The following ELAPOR2 variants were observed in gnomAD, a reference collection of about 807,000 sequenced individuals.
The protein encoded by ELAPOR2 is endosome-lysosome associated apoptosis and autophagy regulator family member 2.
Under a neutral mutation model 120.7 loss-of-function variants are expected in ELAPOR2, and 89 were observed. That is an observed-to-expected ratio of 0.74 (90% confidence interval 0.62 to 0.88). The LOEUF (loss-of-function observed/expected upper bound fraction) is 0.88. Among genes scored for constraint, ELAPOR2 ranks in the 40% least tolerant of loss-of-function variants. The pLI is 0.00. For missense variants in ELAPOR2, 1,134 were observed against 1,251.6 expected, an observed-to-expected ratio of 0.91 and a Z score of 1.42; for synonymous variants, 444 against 444.9, an observed-to-expected ratio of 1.00 and a Z score of 0.03.
intron 1 of ELAPOR2, among the ~76,000 whole-genome samples, chr7:86,975,148 G>C (rs1792241776): frequency 6.6e-6 from 1 of 152,178 alleles, no homozygotes; most frequent in Non-Finnish European, 1.5e-5. Flanking sequence ...GGCTTCAGAA[G>C]GGATAACTCC....
At chr7:86,976,894 T>C (rs1208885961) in intron 1 of ELAPOR2, among the ~76,000 whole-genome samples, 3 of 152,204 alleles carry the variant, frequency 2.0e-5, no homozygotes, top group Non-Finnish European at 2.9e-5. Context: ...AAAGCATCTA[T>C]TACAACCATC....
chr7:86,981,740 T>C (rs143208702), intron 1 of ELAPOR2, among the ~76,000 whole-genome samples: 11 of 152,312 alleles, frequency 7.2e-5, no homozygotes, highest in African/African-American at 1.7e-4. Flanking sequence ...CCCAGCGTGA[T>C]TGACGCAGAA....
At chr7:86,904,612 C>T (rs1788883608) in intron 18 of ELAPOR2, among the ~76,000 whole-genome samples, 1 of 152,144 alleles carries the variant, frequency 6.6e-6, no homozygotes, top group Non-Finnish European at 1.5e-5. Context: ...TTTGCCAGAC[C>T]AAATAGACAG....
At chr7:86,919,409 T>C (rs1358878422) in intron 10 of ELAPOR2, 99 bp from the exon 11 acceptor site, 1 of 682,190 alleles carries the variant, frequency 1.5e-6, no homozygotes, top group Non-Finnish European at 2.3e-6. Context: ...CATTAGTGTT[T>C]CTGTTCAAAG....
intron 21 of ELAPOR2, 160 bp downstream of exon 21, chr7:86,891,564 T>C (rs1788160837): frequency 1.6e-5 from 9 of 550,676 alleles, no homozygotes; most frequent in Non-Finnish European, 2.8e-5. Flanking sequence ...GTGAATATTA[T>C]TGTATCTATA....
In ELAPOR2 at chr7:86,919,251, G is replaced by C; in HGVS notation, c.1459C>G (p.Leu487Val). 1.2e-6 allele frequency: 2 copies of C among 1,611,902 alleles called. No homozygotes were observed. Among genetic ancestry groups the C allele is most frequent in the Non-Finnish European group, 1.7e-6 (2 of 1,178,698 alleles). The part of the protein sequence containing the change: ...SGAGGSDNDY[L>V]ILNLHIPGFK... Reference sequence around the variant, plus strand: ...CCTGGGATATGCAAGTTTAAGATCAGGTAATCATTGTCAGAACCTCCAGCC... The same window carrying C: ...CCTGGGATATGCAAGTTTAAGATCACGTAATCATTGTCAGAACCTCCAGCC... Residue 487 changes from leucine to valine, a missense_variant, in exon 11 of 22, where the codon CTG becomes GTG. Physicochemically the swap from Leu to Val is conservative, Grantham distance 32. Around this residue, in one of 3 missense-constraint regions of ELAPOR2, gnomAD observed 831 missense variants for 867.6 expected, o/e 0.96. Transcript: ENST00000450689.
At chr7:87,044,614 G>A (rs963714721) in intron 1 of ELAPOR2, among the ~76,000 whole-genome samples, 8 of 151,748 alleles carry the variant, frequency 5.3e-5, no homozygotes, top group African/African-American at 1.9e-4. Flanking sequence ...ATTCAAGATG[G>A]ATTAAAGACT....
intron 8 of ELAPOR2, among the ~76,000 whole-genome samples, chr7:86,929,354 G>C (rs1790222213): frequency 6.6e-6 from 1 of 151,880 alleles, no homozygotes; most frequent in Admixed American, 6.6e-5. Context: ...GTTTTTAAAA[G>C]GTCTACCAAC....
chr7:87,040,962 G>C (rs996767240), intron 1 of ELAPOR2, among the ~76,000 whole-genome samples: 1 of 152,014 alleles, frequency 6.6e-6, no homozygotes, highest in Non-Finnish European at 1.5e-5. Flanking sequence ...ACTACGTGAA[G>C]AATGGAGAAG....
intron 1 of ELAPOR2, among the ~76,000 whole-genome samples, chr7:86,978,239 G>A (rs114036996): frequency 1.5e-3 from 229 of 152,252 alleles, no homozygotes; most frequent in Middle Eastern, 0.01. Context: ...GCCTTCCGCC[G>A]TGACTGTAAG....
chr7:86,969,306 G>C (rs902522285), intron 1 of ELAPOR2, among the ~76,000 whole-genome samples: 1 of 151,936 alleles, frequency 6.6e-6, no homozygotes, highest in African/African-American at 2.4e-5. Flanking sequence ...AATCCCCAGG[G>C]AATCATCTCC....
intron 3 of ELAPOR2, 72 bp from the exon 4 acceptor site, chr7:86,945,118 C>A: frequency 7.2e-7 from 1 of 1,386,284 alleles, no homozygotes; most frequent in Non-Finnish European, 9.8e-7. Flanking sequence ...AACTATGTAA[C>A]TCAGATTCAC....
At position 86,877,074 on chromosome 7, in the gene ELAPOR2, G is replaced by A. The variant is rs993739250; in HGVS notation, c.*3397C>T. On this transcript the variant is annotated 3_prime_UTR_variant, in exon 22 of 22. Transcript: ENST00000450689. The stretch of plus-strand genomic sequence containing the variant: ...CTATCTGACCCTTTACAAAAAAAAT[G>A]TTTGCTGGGCTCTGATCTAGACAAG... 6.6e-6 allele frequency: 1 copy of A among 152,042 alleles called. No individual in the cohort carries two copies. The highest frequency in any genetic ancestry group is 1.5e-5 in the Non-Finnish European group (1 of 67,990). The allele number at this position is 152,042 out of a possible 1,614,324, so 9.4% of individuals were successfully genotyped here. A position where few individuals can be genotyped will look rare whatever the true frequency, so the allele number is the denominator to read the frequency against.
intron 1 of ELAPOR2, among the ~76,000 whole-genome samples, chr7:86,990,724 A>G (rs1233316503): frequency 6.6e-6 from 1 of 152,206 alleles, no homozygotes; most frequent in Non-Finnish European, 1.5e-5. Context: ...CACACAGAAC[A>G]AACAGCAAAG....
intron 1 of ELAPOR2, among the ~76,000 whole-genome samples, chr7:87,003,096 C>G (rs1180428885): frequency 6.6e-6 from 1 of 152,110 alleles, no homozygotes; most frequent in Non-Finnish European, 1.5e-5. Context: ...GGTCTGCCAT[C>G]TCTTAGCAAG....
At chr7:87,021,908 C>G (rs1173134643) in intron 1 of ELAPOR2, among the ~76,000 whole-genome samples, 3 of 152,090 alleles carry the variant, frequency 2.0e-5, no homozygotes, top group Non-Finnish European at 4.4e-5. Context: ...GGCAAACAGA[C>G]ATCTTTACAA....
In ELAPOR2 at chr7:87,042,545, A is replaced by T. The variant is rs564532874; in HGVS notation, c.189+16780T>A. On this transcript the variant is annotated intron_variant, in intron 1 of 21. Transcript: ENST00000450689. ...TAACGAAATGAAGGCAGAAATAAAG[A>T]TGTTCTTTGAAACCAACGAGAACAA... Among the ~76,000 whole-genome samples, 172 of 152,006 alleles carry T rather than the reference A, an allele frequency of 1.1e-3. 1 individual carries two copies. Among genetic ancestry groups the T allele is most frequent in the African/African-American group, 3.9e-3 (162 of 41,360 alleles).
At chr7:86,949,996 G>GC (rs1791176214) in intron 2 of ELAPOR2, among the ~76,000 whole-genome samples, 1 of 149,926 alleles carries the variant, frequency 6.7e-6, no homozygotes, top group Non-Finnish European at 1.5e-5. Flanking sequence ...ATGGGAACTT[G>GC]TGGTGCTTTT....
intron 1 of ELAPOR2, among the ~76,000 whole-genome samples, chr7:86,972,383 T>C (rs1311829653): frequency 6.6e-6 from 1 of 152,100 alleles, no homozygotes; most frequent in African/African-American, 2.4e-5. Context: ...GGAATGCAAC[T>C]TCCTTTTCAT....
Sources: allele counts gnomAD v4.1 joint callset (sites outside exome capture counted in the v4.1 genomes callset), GRCh38; gene constraint gnomAD v4.1.1; regional missense constraint gnomAD v4.1.1; transcripts MANE v1.5; gene names NCBI Gene and HGNC (gene_info 2026-07-23, HGNC 2026-07-21).